Variants in MPDZ observed in about 807,000 individuals in gnomAD.
MPDZ encodes multiple PDZ domain protein.
Under a neutral mutation model 239.1 loss-of-function variants are expected in MPDZ, and 234 were observed. The ratio of observed to expected loss-of-function variants is 0.98; its 90% confidence interval spans 0.88 to 1.09. The LOEUF is 1.09. Among genes scored for constraint, MPDZ ranks in the 50% least tolerant of loss-of-function variants. The probability of loss-of-function intolerance (pLI) is 0.00; values close to 1 mark genes in which losing one functional copy is unlikely to be tolerated. For synonymous variants in MPDZ, 1,048 were observed against 881.3 expected, an observed-to-expected ratio of 1.19 and a Z score of -3.35; for missense variants, 3,175 against 2,510.0, an observed-to-expected ratio of 1.26 and a Z score of -5.66.
intron 3 of MPDZ, among the ~76,000 whole-genome samples, chr9:13,244,489 G>A (rs1369325225): frequency 6.6e-6 from 1 of 152,116 alleles, no homozygotes; most frequent in Non-Finnish European, 1.5e-5. Flanking sequence ...AGAGCTATTA[G>A]AGATTATTCA....
chr9:13,109,003 C>T lies in MPDZ; in HGVS notation c.5999G>A (p.Ser2000Asn). ...LERGPDGLGFSIVGGYGSPHG... is the reference protein window; with the variant it reads ...LERGPDGLGFNIVGGYGSPHG... The stretch of plus-strand genomic sequence containing the variant: ...AGGGCTGCCATATCCTCCAACTATA[C>T]TGAAGCCTAAGCCATCTGGTCCTCG... Residue 2000 changes from serine (S) to asparagine (N), a missense_variant, in exon 46 of 47, where the codon AGT becomes AAT. Coordinates refer to ENST00000319217, the MANE Select transcript of MPDZ (RefSeq NM_001378778.1). 6.2e-7 allele frequency: 1 copy of T among 1,601,584 alleles called. No individual in the cohort carries two copies. The highest frequency in any genetic ancestry group is 8.5e-7 in the Non-Finnish European group (1 of 1,173,178).
At chr9:13,129,877 G>C (rs1367985428) in intron 32 of MPDZ, among the ~76,000 whole-genome samples, 1 of 152,062 alleles carries the variant, frequency 6.6e-6, no homozygotes, top group Non-Finnish European at 1.5e-5. Flanking sequence ...TTTGAACAAC[G>C]AGTTGTATAA....
chr9:13,202,367 A>T (rs2135520694), intron 12 of MPDZ, among the ~76,000 whole-genome samples: 1 of 152,280 alleles, frequency 6.6e-6, no homozygotes, highest in East Asian at 1.9e-4. Context: ...CCAACCTTTC[A>T]GTTGTTTCTA....
At chr9:13,118,422 C>A (rs1206899371) in intron 39 of MPDZ, among the ~76,000 whole-genome samples, 2 of 152,236 alleles carry the variant, frequency 1.3e-5, no homozygotes, top group Non-Finnish European at 2.9e-5. Flanking sequence ...AGGTGAGTAA[C>A]AAGCACCTAC....
rs193191878 is a variant in MPDZ at position 13,268,603 on chromosome 9, G to A, written c.-58+10797C>T. Reference sequence around the variant, plus strand: ...TACAGAGGAATTCAATACTGCCAACGTGAGTCAGAAAGAATTTGTAAGAGA... The same window carrying A: ...TACAGAGGAATTCAATACTGCCAACATGAGTCAGAAAGAATTTGTAAGAGA... On this transcript the variant is annotated intron_variant, in intron 1 of 46. Coordinates refer to ENST00000319217, the MANE Select transcript of MPDZ (RefSeq NM_001378778.1). Among the ~76,000 whole-genome samples, 155 of 152,246 alleles carry A rather than the reference G, an allele frequency of 1.0e-3. 6 individuals carry two copies. Among genetic ancestry groups the A allele is most frequent in the East Asian group, 3.9e-4 (2 of 5,176 alleles).
chr9:13,176,278 G>C lies in MPDZ; in HGVS notation c.2789C>G (p.Thr930Ser), dbSNP rs1188981003. The C allele has an allele frequency of 6.2e-7, 1 of 1,610,242 alleles. No homozygotes were observed. Among genetic ancestry groups the C allele is most frequent in the Admixed American group, 1.7e-5 (1 of 59,628 alleles). ...DISMGPASGF[T>S]INDYTPANAI... ...ATTTGCAGGTGTGTAGTCATTTATA[G>C]TAAAGCCAGAAGCAGGCCCCATACT... is the stretch of plus-strand genomic sequence containing the variant. Residue 930 changes from threonine (T) to serine (S), a missense_variant, in exon 20 of 47, where the codon ACT becomes AGT. Thr to Ser is a moderately conservative substitution (Grantham distance 58). Coordinates refer to ENST00000319217, the MANE Select transcript of MPDZ (RefSeq NM_001378778.1).
In MPDZ at chr9:13,216,803, T is replaced by C; in HGVS notation, c.1261A>G (p.Arg421Gly). 6.2e-7 allele frequency: 1 copy of C among 1,610,170 alleles called. No individual in the cohort carries two copies. The highest frequency in any genetic ancestry group is 2.2e-5 in the East Asian group (1 of 44,630). The change falls in exon 10 of 47, where the codon AGA becomes GGA. Residue 421 changes from arginine to glycine, a missense_variant. Coordinates refer to ENST00000319217, the MANE Select transcript of MPDZ (RefSeq NM_001378778.1). ...ATAATTTGGTCTCCAATTTGGATTCTTCCATCATGCTCAACGGCACTGCTT... is the reference window on the plus strand; with the variant it reads ...ATAATTTGGTCTCCAATTTGGATTCCTCCATCATGCTCAACGGCACTGCTT... ...TKSSAVEHDGRIQIGDQIIAV... is the reference protein window; with the variant it reads ...TKSSAVEHDGGIQIGDQIIAV...
chr9:13,193,789 A>C (rs1955267809), intron 13 of MPDZ, among the ~76,000 whole-genome samples: 1 of 152,208 alleles, frequency 6.6e-6, no homozygotes, highest in Admixed American at 6.5e-5. Flanking sequence ...TACATTAAAT[A>C]ATGAAGAATA....
chr9:13,183,894 T>G (rs1460998618), intron 18 of MPDZ, among the ~76,000 whole-genome samples: 1 of 152,042 alleles, frequency 6.6e-6, no homozygotes, highest in African/African-American at 2.4e-5. Context: ...AATATTTACT[T>G]TCTTACAGTT....
intron 12 of MPDZ, among the ~76,000 whole-genome samples, chr9:13,199,151 A>C (rs1052242789): frequency 2.3e-4 from 35 of 151,984 alleles, no homozygotes; most frequent in African/African-American, 5.6e-4. Context: ...ATCATAGAAT[A>C]TCTCTCCATA....
intron 23 of MPDZ, among the ~76,000 whole-genome samples, chr9:13,158,434 C>A (rs759800239): frequency 6.6e-6 from 1 of 152,022 alleles, no homozygotes; most frequent in African/African-American, 2.4e-5. Flanking sequence ...TAAAGAAAAC[C>A]CATTGAACAA....
At chr9:13,247,377 T>C (rs1319232971) in intron 3 of MPDZ, among the ~76,000 whole-genome samples, 2 of 152,194 alleles carry the variant, frequency 1.3e-5, no homozygotes, top group Non-Finnish European at 2.9e-5. Flanking sequence ...CATCCGTTTT[T>C]CCTGTAGAAA....
chr9:13,190,090 T>C, intron 16 of MPDZ, 24 bp downstream of exon 16: 2 of 1,595,202 alleles, frequency 1.3e-6, no homozygotes, highest in Non-Finnish European at 8.6e-7. Flanking sequence ...CCTTTAAAAA[T>C]TGTTAAAAGT....
chr9:13,220,713 T>C (rs1959000313), intron 7 of MPDZ, among the ~76,000 whole-genome samples: 1 of 152,022 alleles, frequency 6.6e-6, no homozygotes, highest in Non-Finnish European at 1.5e-5. Context: ...GACTTCCTAC[T>C]TTAAGTTCAA....
At chr9:13,219,411 G>A in intron 8 of MPDZ, 148 bp downstream of exon 8, 1 of 702,682 alleles carries the variant, frequency 1.4e-6, no homozygotes, top group South Asian at 2.1e-5. Context: ...AATATCATTA[G>A]TGCTAAAGCA....
chr9:13,128,950 C>T (rs1945513285), intron 32 of MPDZ, among the ~76,000 whole-genome samples: 1 of 152,172 alleles, frequency 6.6e-6, no homozygotes, highest in Non-Finnish European at 1.5e-5. Context: ...TGTTCAGTCA[C>T]AGGACCAACT....
chr9:13,143,663 G>T, intron 26 of MPDZ, 99 bp from the exon 27 acceptor site: 1 of 888,574 alleles, frequency 1.1e-6, no homozygotes, highest in Non-Finnish European at 1.9e-6. Context: ...AACTGCCTGT[G>T]TGAAACTAGA....
At chr9:13,135,009 T>A (rs928005659) in intron 31 of MPDZ, 1 of 152,214 alleles carries the variant, frequency 6.6e-6, no homozygotes, top group African/African-American at 2.4e-5. Context: ...CACCTCAGCC[T>A]CCATGGCTAA....
rs1941496573 is a variant in MPDZ at position 13,106,564 on chromosome 9, T to C, written c.*401A>G. The C allele has an allele frequency of 1.3e-5, 2 of 154,644 alleles. No individual in the cohort carries two copies. The highest frequency in any genetic ancestry group is 6.5e-5 in the Admixed American group (1 of 15,336). 9.6% of individuals were successfully genotyped at this position (154,644 alleles called of 1,614,324 possible). Reference sequence around the variant, plus strand: ...ATTTTTTTTAAACTCCCCGAGATTTTCTTCTTTATTTTATATTTTCATTTT... The same window carrying C: ...ATTTTTTTTAAACTCCCCGAGATTTCCTTCTTTATTTTATATTTTCATTTT... On this transcript the variant is annotated 3_prime_UTR_variant, in exon 47 of 47. Coordinates refer to ENST00000319217, the MANE Select transcript of MPDZ (RefSeq NM_001378778.1).
Sources: gnomAD v4.1 joint callset for allele counts (sites outside exome capture counted in the v4.1 genomes callset) on GRCh38, gnomAD v4.1.1 for gene constraint, MANE v1.5 for transcripts, NCBI Gene and HGNC (gene_info 2026-07-23, HGNC 2026-07-21) for gene names.